Variants in WWOX observed in about 807,000 individuals in gnomAD.
WWOX encodes the protein WW domain containing oxidoreductase, also known as WW domain-containing oxidoreductase.
In WWOX, 69 loss-of-function variants were observed where a neutral mutation model predicts 46.2. That is an observed-to-expected ratio of 1.49 (90% CI 1.23 to 1.82). The LOEUF (loss-of-function observed/expected upper bound fraction) is 1.82. Among genes scored for constraint, WWOX ranks in the 40% most tolerant of loss-of-function variants. The pLI is 0.00. For missense variants in WWOX, 919 were observed against 542.6 expected, an observed-to-expected ratio of 1.69 and a Z score of -6.89; for synonymous variants, 359 against 202.6, an observed-to-expected ratio of 1.77 and a Z score of -6.56.
At chr16:78,967,463 T>G (rs1391593259) in intron 8 of WWOX, among the ~76,000 whole-genome samples, 3 of 104,946 alleles carry the variant, frequency 2.9e-5, no homozygotes, top group Non-Finnish European at 5.5e-5. Context: ...TTTGTGGTTT[T>G]TTTTTTTTTT....
In WWOX at chr16:78,320,346, G is replaced by C. The variant is rs532623531; in HGVS notation, c.517-66514G>C. On this transcript the variant is annotated intron_variant, in intron 5 of 8. Transcript: ENST00000566780. ...TCGGTGTAGGTTGTCATACTAAATT[G>C]GTTCAGATTCTGTATCTGGGGGTAG... Among the ~76,000 whole-genome samples, 4 of 152,234 alleles carry C rather than the reference G, an allele frequency of 2.6e-5. No individual in the cohort carries two copies. The South Asian group carries it at 8.3e-4, about 32-fold the overall frequency.
At chr16:78,749,661 G>A (rs1424760681) in intron 8 of WWOX, among the ~76,000 whole-genome samples, 2 of 152,112 alleles carry the variant, frequency 1.3e-5, no homozygotes, top group Admixed American at 6.5e-5. Flanking sequence ...GTCTAGCTAA[G>A]GAGGAAAAAT....
At chr16:78,798,842 G>T (rs537966389) in intron 8 of WWOX, among the ~76,000 whole-genome samples, 2 of 152,048 alleles carry the variant, frequency 1.3e-5, no homozygotes, top group Non-Finnish European at 2.9e-5. Context: ...TATCAGATGC[G>T]GCCAATGTCA....
chr16:79,192,071 G>A (rs2051147506), intron 8 of WWOX, among the ~76,000 whole-genome samples: 1 of 152,196 alleles, frequency 6.6e-6, no homozygotes, highest in Non-Finnish European at 1.5e-5. Context: ...CAAGATAAGG[G>A]ATGGGGAATT....
At chr16:79,173,015 C>T (rs2050731611) in intron 8 of WWOX, among the ~76,000 whole-genome samples, 1 of 152,148 alleles carries the variant, frequency 6.6e-6, no homozygotes, top group African/African-American at 2.4e-5. Context: ...AGCAAGACCC[C>T]ATCTCTAAAT....
intron 8 of WWOX, among the ~76,000 whole-genome samples, chr16:79,000,688 G>A (rs1249632230): frequency 6.6e-6 from 1 of 152,162 alleles, no homozygotes; most frequent in Non-Finnish European, 1.5e-5. Context: ...ACCCATTGTG[G>A]CCTTCTGACC....
chr16:79,031,726 A>T (rs1006050696), intron 8 of WWOX, among the ~76,000 whole-genome samples: 4 of 146,976 alleles, frequency 2.7e-5, no homozygotes, highest in African/African-American at 9.9e-5. Context: ...TGTTTTGCTT[A>T]ATAGGCTCTC....
intron 8 of WWOX, among the ~76,000 whole-genome samples, chr16:78,827,756 A>C (rs1178890638): frequency 6.6e-6 from 1 of 151,970 alleles, no homozygotes; most frequent in African/African-American, 2.4e-5. Context: ...CAGGAGAATC[A>C]CTTGAATCTG....
intron 8 of WWOX, among the ~76,000 whole-genome samples, chr16:78,879,859 A>T (rs534772056): frequency 1.4e-5 from 2 of 143,304 alleles, no homozygotes; most frequent in Admixed American, 1.4e-4. Context: ...CCTGGGCAAC[A>T]ACAGCAAAAC....
intron 8 of WWOX, among the ~76,000 whole-genome samples, chr16:78,979,426 A>G (rs2151331897): frequency 6.6e-6 from 1 of 152,306 alleles, no homozygotes; most frequent in Middle Eastern, 3.4e-3. Flanking sequence ...TCTGTCTCGG[A>G]ATACGTACGT....
chr16:78,462,804 G>C (rs1249728329), intron 8 of WWOX, among the ~76,000 whole-genome samples: 1 of 152,204 alleles, frequency 6.6e-6, no homozygotes, highest in Non-Finnish European at 1.5e-5. Flanking sequence ...GATTAGCTCT[G>C]AGAAACGAGG....
chr16:78,780,369 C>T (rs986038320), intron 8 of WWOX: 3 of 151,470 alleles, frequency 2.0e-5, no homozygotes, highest in African/African-American at 4.9e-5. Flanking sequence ...TTCATTCATT[C>T]ACTGGTTAAT....
intron 6 of WWOX, among the ~76,000 whole-genome samples, chr16:78,398,807 A>T (rs2082346882): frequency 6.6e-6 from 1 of 152,224 alleles, no homozygotes; most frequent in African/African-American, 2.4e-5. Context: ...TGTTGAGAGG[A>T]TTCAATAACT....
At chr16:78,879,562 G>C (rs1016856013) in intron 8 of WWOX, among the ~76,000 whole-genome samples, 1 of 151,934 alleles carries the variant, frequency 6.6e-6, no homozygotes, top group Non-Finnish European at 1.5e-5. Flanking sequence ...TTCCATCCAA[G>C]AGGCAACATT....
chr16:78,396,625 A>C (rs573647834), intron 6 of WWOX, among the ~76,000 whole-genome samples: 16 of 152,352 alleles, frequency 1.1e-4, no homozygotes, highest in African/African-American at 3.8e-4. Flanking sequence ...TAGCTATAGC[A>C]AATAATGTTA....
intron 8 of WWOX, among the ~76,000 whole-genome samples, chr16:78,845,744 G>C (rs74031710): frequency 6.6e-6 from 1 of 152,144 alleles, no homozygotes; most frequent in Non-Finnish European, 1.5e-5. Flanking sequence ...ATGGTTGAAG[G>C]TTGAGATATG....
intron 5 of WWOX, among the ~76,000 whole-genome samples, chr16:78,375,917 T>C (rs1721960627): frequency 6.6e-6 from 1 of 151,050 alleles, no homozygotes; most frequent in African/African-American, 2.4e-5. Flanking sequence ...AGTGGCATGA[T>C]GTTGGCTCAC....
At chr16:78,390,476 G>A (rs2082154366) in intron 6 of WWOX, among the ~76,000 whole-genome samples, 1 of 152,178 alleles carries the variant, frequency 6.6e-6, no homozygotes, top group Non-Finnish European at 1.5e-5. Context: ...AAACAAGGGT[G>A]ATTTTCCATA....
chr16:78,761,093 C>T (rs1030066648), intron 8 of WWOX, among the ~76,000 whole-genome samples: 1 of 152,122 alleles, frequency 6.6e-6, no homozygotes, highest in Non-Finnish European at 1.5e-5. Context: ...ATTCAAGATG[C>T]GATTTGGGTG....
Sources: gnomAD v4.1 joint callset for allele counts (sites outside exome capture counted in the v4.1 genomes callset) on GRCh38, gnomAD v4.1.1 for gene constraint, MANE v1.5 for transcripts, NCBI Gene and HGNC (gene_info 2026-07-23, HGNC 2026-07-21) for gene names.